POU2F1: variants seen among roughly 807,000 people sequenced by gnomAD.
POU2F1 encodes the protein POU domain, class 2, transcription factor 1.
Under a neutral mutation model 84.9 loss-of-function variants are expected in POU2F1, and 16 were observed. The observed-to-expected ratio is 0.19, with a 90% CI of 0.13 to 0.29. POU2F1 has a LOEUF of 0.29. Ranked by LOEUF, POU2F1 falls within the 10% of genes least tolerant of loss-of-function variation. POU2F1 has a pLI of 1.00. For missense variants in POU2F1, 738 were observed against 942.6 expected (o/e 0.78, Z 2.84); for synonymous variants, 368 against 368.3 (o/e 1.00, Z 0.01).
intron 13 of POU2F1, among the ~76,000 whole-genome samples, chr1:167,410,740 T>G (rs532574322): frequency 2.6e-5 from 4 of 152,160 alleles, no homozygotes; most frequent in East Asian, 1.9e-4. Context: ...GGTTTCGAGC[T>G]CCTGACCTCA....
chr1:167,362,134 A>G (rs959113692), intron 2 of POU2F1, among the ~76,000 whole-genome samples: 3 of 151,996 alleles, frequency 2.0e-5, no homozygotes, highest in African/African-American at 7.3e-5. Context: ...TTGTAGTCCA[A>G]TTTAGGTCTT....
Position 167,220,949 on chromosome 1 carries a change from G to A in POU2F1, c.52G>A (p.Ala18Thr). 1 of 1,535,222 alleles carries A rather than the reference G, an allele frequency of 6.5e-7. No individual in the cohort carries two copies. Among genetic ancestry groups the A allele is most frequent in the South Asian group, 1.2e-5 (1 of 84,018 alleles). The stretch of plus-strand genomic sequence containing the variant: ...AGATGAGAGTTCAGCCGCGGCGGCA[G>A]CAGCAGCAGGTAATCATTACAGCAT... Reference protein sequence around the residue: ...SQDESSAAAAAAADSRMNNPS... With the variant: ...SQDESSAAAATAADSRMNNPS... Residue 18 changes from alanine to threonine, a missense_variant, in exon 1 of 16, where the codon GCA (alanine) becomes ACA (threonine). Coordinates refer to ENST00000367866, the MANE Select transcript of POU2F1 (RefSeq NM_002697.4).
At chr1:167,276,561 T>C (rs1481300151) in intron 1 of POU2F1, among the ~76,000 whole-genome samples, 55 of 152,172 alleles carry the variant, frequency 3.6e-4, no homozygotes, top group Admixed American at 3.5e-3. Context: ...TATATTCTTA[T>C]AGAAGAAGAG....
intron 1 of POU2F1, among the ~76,000 whole-genome samples, chr1:167,280,344 A>G (rs1484032933): frequency 6.7e-6 from 1 of 149,396 alleles, no homozygotes; most frequent in African/African-American, 2.5e-5. Context: ...TTTTATTGCC[A>G]TTACTGTTAT....
intron 2 of POU2F1, among the ~76,000 whole-genome samples, chr1:167,351,389 A>T (rs1355861290): frequency 1.3e-5 from 2 of 151,820 alleles, no homozygotes. Context: ...ATGGTGGCAC[A>T]TGCCTGTAAT....
intron 1 of POU2F1, among the ~76,000 whole-genome samples, chr1:167,293,425 G>A (rs928620352): frequency 6.6e-6 from 1 of 152,166 alleles, no homozygotes; most frequent in African/African-American, 2.4e-5. Flanking sequence ...AACCAAGGAG[G>A]TGAAAGATCT....
Position 167,292,102 on chromosome 1 carries a change from C to T in POU2F1, c.62-40368C>T, listed in dbSNP as rs144657392. ...CTCAGTGCTTTGAGACTGTGTGAGG[C>T]GGGGGAAGAGCTGTTGAGGCTTTTT... On this transcript the variant is annotated intron_variant, in intron 1 of 15. Transcript: ENST00000367866. Among the ~76,000 whole-genome samples the T allele has an allele frequency of 3.1e-3, 476 of 151,960 alleles. 1 individual carries two copies. Among genetic ancestry groups the T allele is most frequent in the Non-Finnish European group, 4.4e-3 (299 of 67,948 alleles).
rs958355477 is a variant in POU2F1 at position 167,417,081 on chromosome 1, A to G, written c.*1271A>G. 2 of 152,234 alleles carry G rather than the reference A, an allele frequency of 1.3e-5. No individual in the cohort carries two copies. The highest frequency in any genetic ancestry group is 1.3e-4 in the Admixed American group (2 of 15,288). The allele number at this position is 152,234 out of a possible 1,614,324, so 9.4% of individuals were successfully genotyped here. On this transcript the variant is annotated 3_prime_UTR_variant, in exon 16 of 16. Transcript: ENST00000367866. ...AAGGAATTCTACTAGACTATTTTCC[A>G]TTGATAATATATACAAAAGAGGTGT... is the stretch of plus-strand genomic sequence containing the variant.
intron 1 of POU2F1, among the ~76,000 whole-genome samples, chr1:167,307,389 G>A (rs1655144146): frequency 1.3e-5 from 2 of 150,792 alleles, no homozygotes; most frequent in South Asian, 4.2e-4. Context: ...TGTAAAAATT[G>A]TGGTTTTACC....
chr1:167,285,348 T>G (rs1369355942), intron 1 of POU2F1, among the ~76,000 whole-genome samples: 2 of 152,238 alleles, frequency 1.3e-5, no homozygotes, highest in Non-Finnish European at 2.9e-5. Flanking sequence ...CTCACGCCTG[T>G]AATCCCAGCA....
At chr1:167,237,746 G>GTATATATATATATA (rs58988722) in intron 1 of POU2F1, among the ~76,000 whole-genome samples, 9 of 72,994 alleles carry the variant, frequency 1.2e-4, no homozygotes, top group Admixed American at 4.4e-4. Context: ...ATGTGTGTGT[G>GTATATATATATATA]TATATATATA....
chr1:167,359,864 T>A (rs372051147), intron 2 of POU2F1, among the ~76,000 whole-genome samples: 253 of 122,614 alleles, frequency 2.1e-3, no homozygotes, highest in African/African-American at 7.4e-3. Context: ...TTTTTTTTTT[T>A]ACTTTTTAAT....
At chr1:167,338,366 G>A (rs879762281) in intron 2 of POU2F1, 22 of 381,256 alleles carry the variant, frequency 5.8e-5, no homozygotes, top group Admixed American at 1.5e-4. Flanking sequence ...TATGTTATCA[G>A]CAATGCTTCT....
Position 167,426,257 on chromosome 1 carries a change from ACTT to A in POU2F1, c.*10451_*10453del, listed in dbSNP as rs1650941110. On this transcript the variant is annotated 3_prime_UTR_variant, in exon 16 of 16. Transcript: ENST00000367866. ...GATATTAAAAAAAAAATGTCGTTTAACTTCTTGTTTGTTTCAGTGTAATGCTCT... is the reference window on the plus strand; with the variant it reads ...GATATTAAAAAAAAAATGTCGTTTAACTTGTTTGTTTCAGTGTAATGCTCT... 2.6e-5 allele frequency: 4 copies of A among 152,166 alleles called. No individual in the cohort carries two copies. Among genetic ancestry groups the A allele is most frequent in the African/African-American group, 9.6e-5 (4 of 41,530 alleles). 9.4% of individuals were successfully genotyped at this position (152,166 alleles called of 1,614,324 possible). A position where few individuals can be genotyped will look rare whatever the true frequency, so the allele number is the denominator to read the frequency against.
intron 1 of POU2F1, among the ~76,000 whole-genome samples, chr1:167,232,569 G>A (rs149134189): frequency 2.0e-5 from 3 of 152,292 alleles, no homozygotes; most frequent in African/African-American, 4.8e-5. Context: ...TAGGCCCAGC[G>A]TGATGGCTCA....
rs765614713 is a variant in POU2F1, at chr1:167,375,609, CATT to C, written c.592-417_592-415del. 5.3e-5 allele frequency among the ~76,000 whole-genome samples: 8 copies of C among 152,138 alleles called. 1 individual carries two copies. Among genetic ancestry groups the C allele is most frequent in the Non-Finnish European group, 8.8e-5 (6 of 68,016 alleles). ...TAAGCTGTTGTCAAATGTCATAAGT[CATT>C]ATAGGCCCTTTATTGATGGAAATTC... On this transcript the variant is annotated intron_variant, in intron 6 of 15. Transcript: ENST00000367866.
intron 1 of POU2F1, 44 bp from the exon 2 acceptor site, chr1:167,332,426 T>C (rs1380055874): frequency 6.7e-7 from 1 of 1,494,336 alleles, no homozygotes; most frequent in African/African-American, 1.4e-5. Context: ...CCCATCTCCA[T>C]CCCCAGTTTT....
chr1:167,403,896 T>G (rs527290680), intron 13 of POU2F1, among the ~76,000 whole-genome samples: 1 of 152,332 alleles, frequency 6.6e-6, no homozygotes, highest in East Asian at 1.9e-4. Flanking sequence ...AGTATTTATT[T>G]TGCCTTCACA....
intron 1 of POU2F1, among the ~76,000 whole-genome samples, chr1:167,275,965 C>T (rs1227876062): frequency 2.6e-5 from 4 of 152,214 alleles, no homozygotes; most frequent in Non-Finnish European, 4.4e-5. Context: ...GTTTGTGCCA[C>T]ATTATATCCA....
Sources: allele counts gnomAD v4.1 joint callset (sites outside exome capture counted in the v4.1 genomes callset), GRCh38; gene constraint gnomAD v4.1.1; transcripts MANE v1.5; gene names NCBI Gene and HGNC (gene_info 2026-07-23, HGNC 2026-07-21).